MPP1: variants seen among roughly 807,000 people sequenced by gnomAD.
MPP1 encodes MAGUK p55 scaffold protein 1, also known as 55 kDa erythrocyte membrane protein.
A neutral mutation model predicts 38.2 loss-of-function variants in MPP1; 6 were observed. That is an observed-to-expected ratio of 0.16 (90% CI 0.09 to 0.31). MPP1 has a LOEUF of 0.31. Among genes scored for constraint, MPP1 ranks in the 10% least tolerant of loss-of-function variants. The probability of loss-of-function intolerance (pLI) is 1.00; values close to 1 mark genes in which losing one functional copy is unlikely to be tolerated. For synonymous variants in MPP1, 153 were observed against 146.3 expected (o/e 1.05, Z -0.33); for missense variants, 293 against 368.9 (o/e 0.79, Z 1.69).
chrX:154,786,076 T>G, intron 6 of MPP1, 128 bp downstream of exon 6: 3 of 418,675 alleles, frequency 7.2e-6, no homozygotes, highest in Non-Finnish European at 1.2e-5. Flanking sequence ...CCCCCACCCA[T>G]TATGCCAGGA....
intron 9 of MPP1, chrX:154,783,206 C>A: frequency 4.8e-6 from 1 of 207,661 alleles, no homozygotes. Flanking sequence ...ACTATAGCTT[C>A]TGTTATGTAG....
At chrX:154,784,935 G>T in intron 7 of MPP1, 116 bp downstream of exon 7, 1 of 626,836 alleles carries the variant, frequency 1.6e-6, no homozygotes, top group Non-Finnish European at 2.6e-6. Context: ...CATGCTTTCT[G>T]TAGAATGCGC....
At chrX:154,791,190 T>C in intron 3 of MPP1, 122 bp from the exon 4 acceptor site, 2 of 593,546 alleles carry the variant, frequency 3.4e-6, no homozygotes, top group Non-Finnish European at 5.4e-6. Context: ...ACAGATTGTG[T>C]CAAATACTCA....
intron 6 of MPP1, 51 bp from the exon 7 acceptor site, chrX:154,785,208 A>ACCCC (rs3215184): frequency 1.5e-6 from 1 of 656,248 alleles, no homozygotes. Flanking sequence ...CTCCCCTCAT[A>ACCCC]CCCCCCCCAG....
chrX:154,793,604 A>G lies in MPP1; in HGVS notation c.103-1319T>C, dbSNP rs782649414. The stretch of plus-strand genomic sequence containing the variant: ...TAGGAGGTGTGGCTATATGGGTGTC[A>G]CTATAAAATTCTTTCATCTTTTTGG... On this transcript the variant is annotated intron_variant, in intron 1 of 11. Coordinates refer to ENST00000369534, the MANE Select transcript of MPP1 (RefSeq NM_002436.4). Among the ~76,000 whole-genome samples, 22 of 112,222 alleles carry G rather than the reference A, an allele frequency of 2.0e-4. 1 individual carries two copies. The South Asian group carries it at 7.7e-3, about 39-fold the overall frequency.
chrX:154,792,113 T>C, intron 2 of MPP1, 29 bp downstream of exon 2: 3 of 1,202,538 alleles, frequency 2.5e-6, no homozygotes. Context: ...AGAGAGTAAC[T>C]GGTGGGCGAC....
chrX:154,784,784 T>G (rs1240617022), intron 7 of MPP1: 13 of 412,543 alleles, frequency 3.2e-5, no homozygotes, highest in Non-Finnish European at 5.8e-5. Context: ...TCACTTCCCC[T>G]CTCCCACCAC....
chrX:154,805,175 A>G (rs1172797343), intron 1 of MPP1, 97 bp downstream of exon 1: 16 of 877,207 alleles, frequency 1.8e-5, no homozygotes, highest in Non-Finnish European at 2.6e-5. Flanking sequence ...ACCCGCAAGG[A>G]CAGGCCCCCC....
chrX:154,794,115 C>T (rs1231834160), intron 1 of MPP1, among the ~76,000 whole-genome samples: 2 of 111,495 alleles, frequency 1.8e-5, no homozygotes, highest in African/African-American at 6.5e-5. Context: ...TAGTGGTGTG[C>T]CCTTTCCAGA....
At chrX:154,802,457 A>AT (rs1296464179) in intron 1 of MPP1, among the ~76,000 whole-genome samples, 7 of 110,415 alleles carry the variant, frequency 6.3e-5, no homozygotes, top group South Asian at 3.8e-4. Context: ...CTGTTAGGTG[A>AT]TTTTTTTTTG....
rs782194140 is a variant in MPP1 at position 154,791,065 on chromosome X, G to C, written c.329C>G (p.Ser110Cys). ...TAGGATCTCATCCCCCACGTGAAGG[G>C]AGCCTGCCATGAAATGAAAAATCAA... Reference protein sequence around the residue: ...LHGGMIHRQGSLHVGDEILEI... With the variant: ...LHGGMIHRQGCLHVGDEILEI... Residue 110 changes from serine (S) to cysteine (C), a missense_variant, in exon 4 of 12, where the codon TCC becomes TGC. Ser to Cys is a moderately radical substitution (Grantham distance 112). Coordinates refer to ENST00000369534, the MANE Select transcript of MPP1 (RefSeq NM_002436.4). 1 of 1,205,245 alleles carries C rather than the reference G, an allele frequency of 8.3e-7. No homozygotes were observed. Among genetic ancestry groups the C allele is most frequent in the African/African-American group, 1.8e-5 (1 of 57,019 alleles).
In MPP1 at chrX:154,781,253, C is replaced by G. The variant is rs782183476; in HGVS notation, c.1210G>C (p.Asp404His). 8.3e-7 allele frequency: 1 copy of G among 1,204,592 alleles called. No homozygotes were observed. The highest frequency in any genetic ancestry group is 1.1e-6 in the Non-Finnish European group (1 of 893,037). Residue 404 changes from aspartate to histidine, a missense_variant, in exon 11 of 12, where the codon GAC becomes CAC. By Grantham distance (81) the Asp-to-His change is moderately conservative. Transcript: ENST00000369534. ...SPFIVFIAPTDQGTQTEALQQ... is the reference protein window; with the variant it reads ...SPFIVFIAPTHQGTQTEALQQ... ...CCTCTCCTCACCTGAGTGCCCTGGT[C>G]AGTAGGTGCAATGAACACAATGAAA...
chrX:154,802,523 C>T (rs190353360), intron 1 of MPP1, among the ~76,000 whole-genome samples: 42 of 111,465 alleles, frequency 3.8e-4, no homozygotes, highest in African/African-American at 1.2e-3. Context: ...GCTTCAGGTC[C>T]TGGGGAAAGT....
intron 1 of MPP1, among the ~76,000 whole-genome samples, chrX:154,796,460 A>C (rs1255332897): frequency 9.0e-6 from 1 of 111,725 alleles, no homozygotes; most frequent in Non-Finnish European, 1.9e-5. Flanking sequence ...CAGAAGACAG[A>C]AAGCAGATGG....
intron 5 of MPP1, among the ~76,000 whole-genome samples, chrX:154,787,101 AACACACACACACAC>A (rs59779466): frequency 3.0e-4 from 25 of 82,890 alleles, no homozygotes; most frequent in African/African-American, 7.4e-4. Flanking sequence ...CCTGCTCCCA[AACACACACACACAC>A]ACACACACAC....
chrX:154,793,019 T>C (rs782124431), intron 1 of MPP1, among the ~76,000 whole-genome samples: 2 of 111,750 alleles, frequency 1.8e-5, no homozygotes, highest in African/African-American at 3.3e-5. Context: ...AAACGACCCA[T>C]GTAATGGAAC....
chrX:154,799,629 T>A lies in MPP1; in HGVS notation c.102+5643A>T, dbSNP rs970200002. 6.9e-5 allele frequency: 55 copies of A among 796,726 alleles called. No homozygotes were observed. In the African/African-American group the frequency reaches 9.0e-4, roughly 13 times the overall value. 65.7% of individuals were successfully genotyped at this position (796,726 alleles called of 1,213,427 possible). ...CAGCCACCATCATCTGTAGTGGATA[T>A]AGGAGGCCACAGAGCTATGGCAGGC... On this transcript the variant is annotated intron_variant, in intron 1 of 11. Transcript: ENST00000369534.
At chrX:154,801,099 A>G (rs1298954477) in intron 1 of MPP1, among the ~76,000 whole-genome samples, 1 of 112,306 alleles carries the variant, frequency 8.9e-6, no homozygotes, top group Non-Finnish European at 1.9e-5. Context: ...GCAACACTGA[A>G]AGGTTAGAGA....
intron 9 of MPP1, chrX:154,782,544 C>T (rs2072021050): frequency 8.9e-6 from 1 of 112,212 alleles, no homozygotes. Flanking sequence ...CCTCCAGCAA[C>T]GAGACAACTC....
Sources: gnomAD v4.1 joint callset for allele counts (sites outside exome capture counted in the v4.1 genomes callset) on GRCh38, gnomAD v4.1.1 for gene constraint, MANE v1.5 for transcripts, NCBI Gene and HGNC (gene_info 2026-07-23, HGNC 2026-07-21) for gene names.